MUSK: variants seen among roughly 807,000 people sequenced by gnomAD.
The protein encoded by MUSK is muscle associated receptor tyrosine kinase.
A neutral mutation model predicts 88.7 loss-of-function variants in MUSK; 55 were observed. That is an observed-to-expected ratio of 0.62 (90% CI 0.50 to 0.78). The LOEUF (loss-of-function observed/expected upper bound fraction) is 0.78, where lower values mean the gene tolerates loss of function less well. Ranked by LOEUF, MUSK falls within the 30% of genes least tolerant of loss-of-function variation. MUSK has a pLI of 0.00. For synonymous variants in MUSK, 387 were observed against 391.9 expected (o/e 0.99, Z 0.15); for missense variants, 1,015 against 1,074.3 (o/e 0.94, Z 0.77).
At chr9:110,784,113 CATT>C (rs1176105208) in intron 11 of MUSK, among the ~76,000 whole-genome samples, 1 of 152,012 alleles carries the variant, frequency 6.6e-6, no homozygotes, top group African/African-American at 2.4e-5. Flanking sequence ...GCTATTAAAA[CATT>C]GTTGCTGATT....
intron 5 of MUSK, among the ~76,000 whole-genome samples, chr9:110,714,963 C>T (rs919957359): frequency 4.4e-5 from 6 of 137,702 alleles, no homozygotes; most frequent in Non-Finnish European, 9.1e-5. Context: ...ATTTCTCTCT[C>T]TACAGAGTGA....
chr9:110,749,071 A>G (rs1454158825), intron 7 of MUSK, among the ~76,000 whole-genome samples: 1 of 152,202 alleles, frequency 6.6e-6, no homozygotes, highest in Admixed American at 6.5e-5. Flanking sequence ...ATCATATAAT[A>G]TAAATAGTAA....
At chr9:110,674,764 C>T (rs550266681) in intron 1 of MUSK, among the ~76,000 whole-genome samples, 1 of 151,798 alleles carries the variant, frequency 6.6e-6, no homozygotes, top group East Asian at 2.0e-4. Flanking sequence ...AAGTGTGTGC[C>T]ACCATGCCGG....
At chr9:110,721,300 G>A (rs1294570715) in intron 5 of MUSK, among the ~76,000 whole-genome samples, 3 of 152,124 alleles carry the variant, frequency 2.0e-5, no homozygotes, top group African/African-American at 7.2e-5. Flanking sequence ...AAGTCAGAAT[G>A]TCACTGTTTG....
intron 11 of MUSK, among the ~76,000 whole-genome samples, chr9:110,779,924 G>C (rs1439195285): frequency 6.6e-6 from 1 of 152,034 alleles, no homozygotes; most frequent in Non-Finnish European, 1.5e-5. Flanking sequence ...TGTCACTCTT[G>C]TCTTGTTTTA....
At position 110,776,538 on chromosome 9, in the gene MUSK, A is replaced by G; in HGVS notation, c.1361-94A>G. ...TCCAGTTGTATATTAAAAAGCTGAG[A>G]GAGAACTTGCATTTCTTAGCACTCA... On this transcript the variant is annotated intron_variant, in intron 10 of 14. Transcript: ENST00000374448. The G allele has an allele frequency of 3.0e-6, 3 of 991,914 alleles. No individual in the cohort carries two copies. The East Asian group carries it at 7.4e-5, about 24-fold the overall frequency. 61.4% of individuals were successfully genotyped at this position (991,914 alleles called of 1,614,324 possible).
At chr9:110,688,974 T>G (rs997695615) in intron 3 of MUSK, among the ~76,000 whole-genome samples, 33 of 144,814 alleles carry the variant, frequency 2.3e-4, no homozygotes, top group African/African-American at 7.8e-4. Flanking sequence ...ATACATATAT[T>G]TAAATATATA....
chr9:110,770,357 T>A (rs1286980771), intron 9 of MUSK, among the ~76,000 whole-genome samples: 2 of 146,470 alleles, frequency 1.4e-5, no homozygotes, highest in Non-Finnish European at 3.0e-5. Context: ...TAATAATAAA[T>A]AATACTTAAT....
At chr9:110,752,423 T>G (rs1435518830) in intron 7 of MUSK, among the ~76,000 whole-genome samples, 2 of 152,254 alleles carry the variant, frequency 1.3e-5, no homozygotes, top group Non-Finnish European at 2.9e-5. Context: ...TGGTATCTGC[T>G]TTCTCCATTT....
intron 3 of MUSK, among the ~76,000 whole-genome samples, chr9:110,689,534 A>AATATATAATT (rs1554735086): frequency 7.8e-5 from 8 of 102,204 alleles, no homozygotes; most frequent in African/African-American, 4.4e-5. Flanking sequence ...ACTATATATA[A>AATATATAATT]ATATATAGTT....
At position 110,801,185 on chromosome 9, in the gene MUSK, T is replaced by G. The variant is rs1436763814; in HGVS notation, c.*197T>G. On this transcript the variant is annotated 3_prime_UTR_variant, in exon 15 of 15. Transcript: ENST00000374448. ...GACGGACCCATTGAAAGCCAGTGATTGGAAACACAGGCTAGGAAATGTGTC... is the reference window on the plus strand; with the variant it reads ...GACGGACCCATTGAAAGCCAGTGATGGGAAACACAGGCTAGGAAATGTGTC... 6.5e-6 allele frequency: 3 copies of G among 460,504 alleles called. No homozygotes were observed. The highest frequency in any genetic ancestry group is 5.5e-4 in the Middle Eastern group (1 of 1,822). The allele number at this position is 460,504 out of a possible 1,614,324, so 28.5% of individuals were successfully genotyped here.
At chr9:110,698,604 C>G (rs547731730) in intron 5 of MUSK, among the ~76,000 whole-genome samples, 2 of 152,046 alleles carry the variant, frequency 1.3e-5, no homozygotes, top group Non-Finnish European at 2.9e-5. Context: ...CTTTAATGAT[C>G]TCGTTTCCCA....
At chr9:110,742,051 T>G (rs1013461642) in intron 6 of MUSK, among the ~76,000 whole-genome samples, 5 of 152,206 alleles carry the variant, frequency 3.3e-5, no homozygotes, top group African/African-American at 1.2e-4. Flanking sequence ...CTAAGAACGT[T>G]TCAAGTGTCA....
At chr9:110,682,642 A>C in intron 1 of MUSK, 32 bp from the exon 2 acceptor site, 5 of 1,604,872 alleles carry the variant, frequency 3.1e-6, no homozygotes, top group Non-Finnish European at 4.3e-6. Flanking sequence ...AAATTCTAGA[A>C]TGTTCTCTTT....
intron 1 of MUSK, among the ~76,000 whole-genome samples, chr9:110,680,814 C>T (rs1206531935): frequency 6.8e-6 from 1 of 147,442 alleles, no homozygotes; most frequent in Non-Finnish European, 1.5e-5. Flanking sequence ...AGGCTGCTCC[C>T]CTCTTTTATT....
Position 110,731,926 on chromosome 9 carries a change from T to G in MUSK, c.629-2325T>G, listed in dbSNP as rs73657654. ...ACAGCCAAAAGAAAAAAAACTGCTA[T>G]AAATTAGGACAAAATAAAACCTTTC... is the stretch of plus-strand genomic sequence containing the variant. On this transcript the variant is annotated intron_variant, in intron 5 of 14. Coordinates refer to ENST00000374448, the MANE Select transcript of MUSK (RefSeq NM_005592.4). 6.2e-3 allele frequency among the ~76,000 whole-genome samples: 948 copies of G among 152,248 alleles called. 9 individuals are homozygous for G. The highest frequency in any genetic ancestry group is 0.022 in the African/African-American group (904 of 41,560).
At chr9:110,755,920 CCATATATATATA>C (rs1198303623) in intron 7 of MUSK, among the ~76,000 whole-genome samples, 4 of 93,900 alleles carry the variant, frequency 4.3e-5, no homozygotes, top group Non-Finnish European at 8.1e-5. Context: ...GTGCCCAGTG[CCATATATATATA>C]CATATATATA....
At chr9:110,677,307 C>T (rs1444548427) in intron 1 of MUSK, among the ~76,000 whole-genome samples, 7 of 152,234 alleles carry the variant, frequency 4.6e-5, no homozygotes, top group African/African-American at 1.7e-4. Context: ...ACCTAACCCC[C>T]ACCACTGCAA....
chr9:110,777,785 A>G (rs2077694133), intron 11 of MUSK, among the ~76,000 whole-genome samples: 1 of 152,114 alleles, frequency 6.6e-6, no homozygotes. Flanking sequence ...CACACTAATT[A>G]TAAAGGAATT....
Sources: allele counts gnomAD v4.1 joint callset (sites outside exome capture counted in the v4.1 genomes callset), GRCh38; gene constraint gnomAD v4.1.1; transcripts MANE v1.5; gene names NCBI Gene and HGNC (gene_info 2026-07-23, HGNC 2026-07-21).